ESR2: variants seen among roughly 807,000 people sequenced by gnomAD.
The protein encoded by ESR2 is estrogen receptor beta.
In ESR2, 36 loss-of-function variants were observed where a neutral mutation model predicts 49.6. That is an observed-to-expected ratio of 0.73 (90% CI 0.56 to 0.96). The LOEUF (loss-of-function observed/expected upper bound fraction) is 0.96. Ranked by LOEUF, ESR2 falls within the 40% of genes least tolerant of loss-of-function variation. The pLI, the probability that ESR2 is intolerant of heterozygous loss-of-function variation, is 0.00. For missense variants in ESR2, 714 were observed against 693.0 expected (o/e 1.03, Z -0.34); for synonymous variants, 320 against 266.1 (o/e 1.20, Z -1.97).
At chr14:64,268,940 T>G (rs778493985) in intron 3 of ESR2, 29 bp from the exon 4 acceptor site, 3 of 1,247,112 alleles carry the variant, frequency 2.4e-6, no homozygotes, top group Non-Finnish European at 3.5e-6. Context: ...GAAAAAAAGA[T>G]TATTGCTATG....
chr14:64,233,859 A>G (rs2098729782), intron 8 of ESR2: 1 of 153,826 alleles, frequency 6.5e-6, no homozygotes, highest in Non-Finnish European at 1.4e-5. Flanking sequence ...TTTCACACCG[A>G]GGAACACTAG....
In ESR2 at chr14:64,282,823, T is replaced by A; in HGVS notation, c.163A>T (p.Asn55Tyr). The A allele has an allele frequency of 6.2e-7, 1 of 1,613,958 alleles. No homozygotes were observed. The highest frequency in any genetic ancestry group is 8.5e-7 in the Non-Finnish European group (1 of 1,179,792). ...GTGACATTGCTGGGAATGCTGTAATTCATCACAGCAGGGCTATAGAATGTC... is the reference window on the plus strand; with the variant it reads ...GTGACATTGCTGGGAATGCTGTAATACATCACAGCAGGGCTATAGAATGTC... ...AMTFYSPAVM[N>Y]YSIPSNVTNL... The change falls in exon 2 of 9, where the codon AAT becomes TAT. Residue 55 changes from asparagine (N) to tyrosine (Y), a missense_variant. Asn to Tyr is a moderately radical substitution (Grantham distance 143, BLOSUM62 -2). Coordinates refer to ENST00000341099, the MANE Select transcript of ESR2 (RefSeq NM_001437.3).
At chr14:64,302,266 A>G (rs2077032310) in intron 1 of ESR2, among the ~76,000 whole-genome samples, 1 of 151,360 alleles carries the variant, frequency 6.6e-6, no homozygotes. Flanking sequence ...GGCTCACTGC[A>G]AGCTCTGTCT....
chr14:64,250,642 G>A (rs895962878), intron 6 of ESR2, among the ~76,000 whole-genome samples: 3 of 152,262 alleles, frequency 2.0e-5, no homozygotes, highest in South Asian at 2.1e-4. Flanking sequence ...GGGTTTATGC[G>A]AGTTCCATTT....
At chr14:64,333,891 A>C (rs1431978075) in intron 1 of ESR2, among the ~76,000 whole-genome samples, 1 of 152,156 alleles carries the variant, frequency 6.6e-6, no homozygotes, top group Non-Finnish European at 1.5e-5. Context: ...AGGCATTTTA[A>C]AAATTATTTA....
chr14:64,233,136 G>C lies in ESR2; in HGVS notation c.*1C>G, dbSNP rs977866234. 2.5e-6 allele frequency: 4 copies of C among 1,612,450 alleles called. No individual in the cohort carries two copies. In the South Asian group the frequency reaches 4.4e-5, roughly 18 times the overall value. ...GGGCCAGTTCACCTCAGGGCCAGGCGTCACTGAGACTGTGGGTTCTGGGAG... is the reference window on the plus strand; with the variant it reads ...GGGCCAGTTCACCTCAGGGCCAGGCCTCACTGAGACTGTGGGTTCTGGGAG... On this transcript the variant is annotated 3_prime_UTR_variant, in exon 9 of 9. Transcript: ENST00000341099.
chr14:64,293,122 G>GA (rs1219054512), intron 1 of ESR2, among the ~76,000 whole-genome samples: 1 of 152,090 alleles, frequency 6.6e-6, no homozygotes, highest in African/African-American at 2.4e-5. Context: ...ATTTTCTTCA[G>GA]AAAAAATAGG....
At chr14:64,316,533 G>A (rs919868408) in intron 1 of ESR2, among the ~76,000 whole-genome samples, 1 of 152,136 alleles carries the variant, frequency 6.6e-6, no homozygotes, top group Non-Finnish European at 1.5e-5. Context: ...CTGTGGCCAG[G>A]CACGGTGGCT....
At chr14:64,290,954 C>G (rs1422303710) in intron 1 of ESR2, among the ~76,000 whole-genome samples, 3 of 152,086 alleles carry the variant, frequency 2.0e-5, no homozygotes, top group Non-Finnish European at 4.4e-5. Flanking sequence ...GTAGGAGGAC[C>G]AAGCCTCGAA....
chr14:64,336,340 G>T (rs1285792674), intron 1 of ESR2: 1 of 152,050 alleles, frequency 6.6e-6, no homozygotes, highest in Non-Finnish European at 1.5e-5. Flanking sequence ...TCTACAAAAA[G>T]GAGTAAACAC....
At chr14:64,277,829 T>C (rs2076586133) in intron 3 of ESR2, among the ~76,000 whole-genome samples, 1 of 152,074 alleles carries the variant, frequency 6.6e-6, no homozygotes, top group Admixed American at 6.6e-5. Flanking sequence ...CTTTCCTCTT[T>C]GCACATTTAG....
intron 1 of ESR2, among the ~76,000 whole-genome samples, chr14:64,321,092 A>G (rs910984087): frequency 6.6e-6 from 1 of 152,158 alleles, no homozygotes; most frequent in Non-Finnish European, 1.5e-5. Flanking sequence ...ACACAATAGA[A>G]TACCATTAAA....
At chr14:64,259,859 C>G (rs1242521995) in intron 5 of ESR2, among the ~76,000 whole-genome samples, 3 of 152,206 alleles carry the variant, frequency 2.0e-5, no homozygotes, top group Non-Finnish European at 4.4e-5. Context: ...CACTTTCAAA[C>G]TAGTCATACT....
At chr14:64,296,698 T>A (rs1160468578), upstream of ESR2, among the ~76,000 whole-genome samples, 1 of 152,230 alleles carries the variant, frequency 6.6e-6, no homozygotes, top group Middle Eastern at 3.2e-3. Flanking sequence ...TGCTCTGTGT[T>A]CACTGTGATG....
At chr14:64,295,397 G>T (rs543119724), upstream of ESR2, among the ~76,000 whole-genome samples, 1 of 152,298 alleles carries the variant, frequency 6.6e-6, no homozygotes, top group East Asian at 1.9e-4. Flanking sequence ...TGTGCTCTGG[G>T]TTGATAAAGA....
At chr14:64,273,159 A>G (rs768211017) in intron 3 of ESR2, among the ~76,000 whole-genome samples, 1 of 152,108 alleles carries the variant, frequency 6.6e-6, no homozygotes, top group African/African-American at 2.4e-5. Flanking sequence ...TGCTGTTGGC[A>G]TATAGAAATG....
chr14:64,268,095 G>C (rs1407387674), intron 4 of ESR2, among the ~76,000 whole-genome samples: 1 of 152,156 alleles, frequency 6.6e-6, no homozygotes, highest in Non-Finnish European at 1.5e-5. Flanking sequence ...AGAGAGCTGG[G>C]TGTTGGCATC....
downstream of ESR2, chr14:64,227,947 C>T (rs776592562): frequency 2.5e-6 from 4 of 1,591,392 alleles, no homozygotes; most frequent in Admixed American, 6.9e-5. Context: ...GGATATAATT[C>T]TAATCAAACT....
chr14:64,241,727 G>A (rs2075731796), intron 7 of ESR2, among the ~76,000 whole-genome samples: 1 of 152,106 alleles, frequency 6.6e-6, no homozygotes, highest in Admixed American at 6.5e-5. Context: ...TTGCTCACTG[G>A]TGCCACACAG....
Sources: gnomAD v4.1 joint callset for allele counts (sites outside exome capture counted in the v4.1 genomes callset) on GRCh38, gnomAD v4.1.1 for gene constraint, MANE v1.5 for transcripts, NCBI Gene and HGNC (gene_info 2026-07-23, HGNC 2026-07-21) for gene names.